CNTNAP2: variants seen among roughly 807,000 people sequenced by gnomAD.
CNTNAP2 encodes the protein contactin associated protein 2, also known as contactin-associated protein-like 2.
A neutral mutation model predicts 155.2 loss-of-function variants in CNTNAP2; 98 were observed. The ratio of observed to expected loss-of-function variants is 0.63; its 90% CI spans 0.54 to 0.75. The LOEUF is 0.75. Ranked by LOEUF, CNTNAP2 falls within the 30% of genes least tolerant of loss-of-function variation. CNTNAP2 has a pLI of 0.00. For missense variants in CNTNAP2, 1,727 were observed against 1,688.1 expected (o/e 1.02, Z -0.40); for synonymous variants, 651 against 631.2 (o/e 1.03, Z -0.47).
intron 1 of CNTNAP2, among the ~76,000 whole-genome samples, chr7:146,262,714 G>T (rs1435716693): frequency 6.6e-6 from 1 of 152,180 alleles, no homozygotes; most frequent in Non-Finnish European, 1.5e-5. Context: ...ATGAGGGGAA[G>T]TTGGGGTTAA....
At chr7:147,159,913 C>G (rs1420710830) in intron 8 of CNTNAP2, among the ~76,000 whole-genome samples, 1 of 151,544 alleles carries the variant, frequency 6.6e-6, no homozygotes, top group Non-Finnish European at 1.5e-5. Context: ...ATGAATCATA[C>G]TTTTTTATAT....
At position 146,535,264 on chromosome 7, in the gene CNTNAP2, A is replaced by G. The variant is rs1352904631; in HGVS notation, c.98-239007A>G. 1.3e-4 allele frequency among the ~76,000 whole-genome samples: 7 copies of G among 55,606 alleles called. 2 individuals are homozygous for G. Among genetic ancestry groups the G allele is most frequent in the African/African-American group, 1.1e-3 (7 of 6,110 alleles). The allele number at this position is 55,606 out of a possible 152,430, so 36.5% of individuals were successfully genotyped here. ...TATATCATATATATGATATTATATC[A>G]TATATATTATATATTATATTATATA... On this transcript the variant is annotated intron_variant, in intron 1 of 23. Transcript: ENST00000361727.
chr7:147,291,140 A>AT (rs1057322144), intron 8 of CNTNAP2, among the ~76,000 whole-genome samples: 3 of 151,714 alleles, frequency 2.0e-5, no homozygotes, highest in East Asian at 3.9e-4. Flanking sequence ...TATCAGCTTG[A>AT]TTTTTTTATT....
chr7:146,553,815 C>T (rs1271165396), intron 1 of CNTNAP2, among the ~76,000 whole-genome samples: 3 of 152,016 alleles, frequency 2.0e-5, no homozygotes, highest in African/African-American at 7.2e-5. Flanking sequence ...GTGAGCTCTT[C>T]TCACTTCCAT....
chr7:146,665,624 A>C (rs2129166934), intron 1 of CNTNAP2, among the ~76,000 whole-genome samples: 1 of 151,600 alleles, frequency 6.6e-6, no homozygotes, highest in South Asian at 2.1e-4. Context: ...TCTACTAAAA[A>C]TACAAAATTA....
At chr7:146,550,419 T>TTG (rs1554447455) in intron 1 of CNTNAP2, among the ~76,000 whole-genome samples, 1 of 142,302 alleles carries the variant, frequency 7.0e-6, no homozygotes, top group Non-Finnish European at 1.5e-5. Context: ...TTTTTTTTTT[T>TTG]TTTTTTTTTT....
At chr7:146,857,833 A>G (rs910204373) in intron 3 of CNTNAP2, among the ~76,000 whole-genome samples, 1 of 152,248 alleles carries the variant, frequency 6.6e-6, no homozygotes, top group African/African-American at 2.4e-5. Flanking sequence ...GTTCAAAGAT[A>G]CTACCAAAGA....
At chr7:148,081,161 C>T (rs1488058889) in intron 15 of CNTNAP2, among the ~76,000 whole-genome samples, 1 of 152,130 alleles carries the variant, frequency 6.6e-6, no homozygotes, top group East Asian at 1.9e-4. Context: ...CAAAATGATG[C>T]AATTCATAGT....
intron 14 of CNTNAP2, among the ~76,000 whole-genome samples, chr7:147,923,935 G>A (rs1243643895): frequency 6.6e-6 from 1 of 152,140 alleles, no homozygotes; most frequent in African/African-American, 2.4e-5. Context: ...AAGCCACCCA[G>A]TTTGTGGCAT....
chr7:147,689,657 T>A (rs1481823683), intron 13 of CNTNAP2, among the ~76,000 whole-genome samples: 2 of 152,176 alleles, frequency 1.3e-5, no homozygotes, highest in Non-Finnish European at 2.9e-5. Flanking sequence ...GCACTATGGA[T>A]GATTACAAAA....
At chr7:146,254,853 A>C (rs1799813775) in intron 1 of CNTNAP2, among the ~76,000 whole-genome samples, 1 of 152,146 alleles carries the variant, frequency 6.6e-6, no homozygotes. Context: ...GTAGGAAACA[A>C]ACCAGCAAAA....
intron 1 of CNTNAP2, among the ~76,000 whole-genome samples, chr7:146,441,964 A>C (rs944091804): frequency 6.6e-6 from 1 of 151,624 alleles, no homozygotes; most frequent in Non-Finnish European, 1.5e-5. Context: ...TTCAAAACAC[A>C]AAGGTACTGT....
chr7:146,466,770 C>A (rs1796722937), intron 1 of CNTNAP2, among the ~76,000 whole-genome samples: 2 of 152,140 alleles, frequency 1.3e-5, no homozygotes, highest in African/African-American at 4.8e-5. Flanking sequence ...TCTGATCAGA[C>A]CAATTGTTGA....
intron 1 of CNTNAP2, among the ~76,000 whole-genome samples, chr7:146,170,901 C>T (rs374887506): frequency 2.0e-5 from 3 of 152,054 alleles, no homozygotes; most frequent in African/African-American, 7.2e-5. Flanking sequence ...GTGTTGGCTG[C>T]GTGTAATCCC....
At chr7:146,548,292 T>C (rs80278812) in intron 1 of CNTNAP2, among the ~76,000 whole-genome samples, 2 of 152,036 alleles carry the variant, frequency 1.3e-5, no homozygotes, top group Non-Finnish European at 2.9e-5. Context: ...GAAAAGGGTA[T>C]GATTTTGTTC....
chr7:146,694,403 C>T (rs1342398341), intron 1 of CNTNAP2, among the ~76,000 whole-genome samples: 2 of 152,132 alleles, frequency 1.3e-5, no homozygotes, highest in African/African-American at 4.8e-5. Context: ...TGTCAAAGAA[C>T]TATTGATTAT....
chr7:146,650,565 T>C (rs1445144450), intron 1 of CNTNAP2, among the ~76,000 whole-genome samples: 2 of 151,894 alleles, frequency 1.3e-5, no homozygotes, highest in Non-Finnish European at 1.5e-5. Context: ...CTAGGAGGAA[T>C]AGCATTAGGA....
chr7:147,569,558 T>C (rs1372592961), intron 12 of CNTNAP2, among the ~76,000 whole-genome samples: 1 of 152,206 alleles, frequency 6.6e-6, no homozygotes, highest in East Asian at 1.9e-4. Context: ...TTGTCCACAG[T>C]ATTCAGTACA....
intron 11 of CNTNAP2, among the ~76,000 whole-genome samples, chr7:147,541,557 G>A (rs542778388): frequency 1.9e-4 from 29 of 152,172 alleles, no homozygotes; most frequent in Non-Finnish European, 2.8e-4. Context: ...TGAACAACTC[G>A]CTCCCAAATG....
Sources: allele counts gnomAD v4.1 joint callset (sites outside exome capture counted in the v4.1 genomes callset), GRCh38; gene constraint gnomAD v4.1.1; transcripts MANE v1.5; gene names NCBI Gene and HGNC (gene_info 2026-07-23, HGNC 2026-07-21).